TNRC6B: variants seen among roughly 807,000 people sequenced by gnomAD.
The protein encoded by TNRC6B is trinucleotide repeat-containing gene 6B protein.
Under a neutral mutation model 203.6 loss-of-function variants are expected in TNRC6B, and 52 were observed. The observed-to-expected ratio is 0.26, with a 90% CI of 0.20 to 0.32. The LOEUF is 0.32. Ranked by LOEUF, TNRC6B falls within the 10% of genes least tolerant of loss-of-function variation. The pLI, the probability that TNRC6B is intolerant of heterozygous loss-of-function variation, is 1.00. For missense variants in TNRC6B, 1,923 were observed against 2,286.2 expected (o/e 0.84, Z 3.24); for synonymous variants, 838 against 845.7 (o/e 0.99, Z 0.16).
intron 1 of TNRC6B, among the ~76,000 whole-genome samples, chr22:40,220,733 C>T (rs972811745): frequency 5.3e-5 from 8 of 152,104 alleles, no homozygotes; most frequent in Non-Finnish European, 8.8e-5. Context: ...ATAGAAACCC[C>T]GAGTTGGCCA....
intron 15 of TNRC6B, among the ~76,000 whole-genome samples, chr22:40,305,707 AT>A (rs1275703782): frequency 6.6e-6 from 1 of 151,896 alleles, no homozygotes; most frequent in Non-Finnish European, 1.5e-5. Flanking sequence ...CCCTTGGATT[AT>A]TTTTCCTGAC....
rs2043995042 is a variant in TNRC6B, at chr22:40,332,618, C to T, written c.*9377C>T. The T allele has an allele frequency of 6.6e-6, 1 of 152,432 alleles. No homozygotes were observed. Among genetic ancestry groups the T allele is most frequent in the South Asian group, 2.1e-4 (1 of 4,824 alleles). The allele number at this position is 152,432 out of a possible 1,614,324, so 9.4% of individuals were successfully genotyped here. ...GTCTCCTCGTGCCTGTGCAGGGCTGCACAGGCATGATCTTATCAGGGTTCC... is the reference window on the plus strand; with the variant it reads ...GTCTCCTCGTGCCTGTGCAGGGCTGTACAGGCATGATCTTATCAGGGTTCC... On this transcript the variant is annotated 3_prime_UTR_variant, in exon 23 of 23. Transcript: ENST00000454349.
rs555687660 is a variant in TNRC6B, at chr22:40,287,746, C to T, written c.3708+1976C>T. The stretch of plus-strand genomic sequence containing the variant: ...GTAGCATGTTAGATAATGTCTTCAT[C>T]GTGCACAGATGGAGAAAATGCCATC... On this transcript the variant is annotated intron_variant, in intron 12 of 22. Transcript: ENST00000454349. Among the ~76,000 whole-genome samples, 16 of 152,304 alleles carry T rather than the reference C, an allele frequency of 1.1e-4. No homozygotes were observed. In the East Asian group the frequency reaches 2.1e-3, roughly 20 times the overall value.
At chr22:40,213,801 G>T (rs2069595778) in intron 1 of TNRC6B, among the ~76,000 whole-genome samples, 1 of 152,192 alleles carries the variant, frequency 6.6e-6, no homozygotes, top group Non-Finnish European at 1.5e-5. Context: ...TACTCATTTT[G>T]CAGTGCACTA....
chr22:40,246,308 G>GCGA, intron 2 of TNRC6B: 1 of 336,814 alleles, frequency 3.0e-6, no homozygotes. Context: ...TCCTCTCTCA[G>GCGA]CCTCCTGAGT....
upstream of TNRC6B, among the ~76,000 whole-genome samples, chr22:40,172,944 G>A (rs968192603): frequency 6.6e-6 from 1 of 152,066 alleles, no homozygotes; most frequent in Non-Finnish European, 1.5e-5. Context: ...GTTTATTTAT[G>A]TAAAGTTACA....
intron 1 of TNRC6B, among the ~76,000 whole-genome samples, chr22:40,055,429 C>T (rs60016524): frequency 0.026 from 3,939 of 152,120 alleles, 170 homozygotes; most frequent in African/African-American, 0.091. Flanking sequence ...AGAAGATGAC[C>T]GGCACAGCGG....
upstream of TNRC6B, chr22:40,177,873 C>T: frequency 7.6e-7 from 1 of 1,311,518 alleles, no homozygotes; most frequent in Non-Finnish European, 9.7e-7. Flanking sequence ...CAAACCTACC[C>T]GAAGTCACAT....
At chr22:40,137,057 T>C (rs1448272613) in intron 3 of TNRC6B, among the ~76,000 whole-genome samples, 2 of 146,042 alleles carry the variant, frequency 1.4e-5, no homozygotes, top group Non-Finnish European at 3.0e-5. Context: ...TAAGTGCTCA[T>C]TTAGTCAAGA....
At chr22:40,273,379 G>C in intron 6 of TNRC6B, 46 bp from the exon 7 acceptor site, 1 of 1,493,866 alleles carries the variant, frequency 6.7e-7, no homozygotes. Context: ...TCTGATGATT[G>C]TTTTATATAG....
At chr22:40,287,034 A>C (rs547169834) in intron 12 of TNRC6B, among the ~76,000 whole-genome samples, 2 of 152,252 alleles carry the variant, frequency 1.3e-5, no homozygotes, top group Non-Finnish European at 1.5e-5. Flanking sequence ...TTGGAGGTAG[A>C]GTCTCACTCT....
chr22:40,096,408 G>C (rs1403303307), intron 1 of TNRC6B, among the ~76,000 whole-genome samples: 2 of 152,212 alleles, frequency 1.3e-5, no homozygotes, highest in Non-Finnish European at 2.9e-5. Flanking sequence ...TGCAGAGATA[G>C]GATGTTTTTA....
At chr22:40,243,800 G>T (rs1233425152) in intron 1 of TNRC6B, among the ~76,000 whole-genome samples, 1 of 152,126 alleles carries the variant, frequency 6.6e-6, no homozygotes, top group Admixed American at 6.5e-5. Context: ...GGCCAGGCCA[G>T]TCTCGAGCTC....
rs555578732 is a variant in TNRC6B, at chr22:40,181,967, C to T, written c.5+3827C>T. ...TCGAGAGAAAAAAAAAAAAGCCAGC[C>T]GGGCGTGGTGGCTCACGCCTGTAAT... On this transcript the variant is annotated intron_variant, in intron 1 of 22. Coordinates refer to ENST00000454349, the MANE Select transcript of TNRC6B (RefSeq NM_001162501.2). 8.0e-5 allele frequency among the ~76,000 whole-genome samples: 12 copies of T among 150,156 alleles called. No homozygotes were observed. The East Asian group carries it at 2.0e-3, about 25-fold the overall frequency.
intron 7 of TNRC6B, among the ~76,000 whole-genome samples, chr22:40,276,021 G>A (rs758483357): frequency 4.6e-5 from 7 of 150,936 alleles, no homozygotes; most frequent in Admixed American, 6.6e-5. Flanking sequence ...TAAGTACTTC[G>A]TCACTTTCAA....
At chr22:40,279,372 G>A (rs1356608165) in intron 9 of TNRC6B, among the ~76,000 whole-genome samples, 1 of 152,140 alleles carries the variant, frequency 6.6e-6, no homozygotes, top group Non-Finnish European at 1.5e-5. Context: ...GTTTCCTGGG[G>A]CAGCACTGGT....
intron 1 of TNRC6B, among the ~76,000 whole-genome samples, chr22:40,094,358 A>G (rs73424220): frequency 0.044 from 6,701 of 152,256 alleles, 447 homozygotes; most frequent in African/African-American, 0.14. Context: ...AAATCTGTCC[A>G]GATTTCACAA....
intron 3 of TNRC6B, among the ~76,000 whole-genome samples, chr22:40,133,521 G>C (rs1324286049): frequency 6.6e-6 from 1 of 152,160 alleles, no homozygotes; most frequent in Non-Finnish European, 1.5e-5. Flanking sequence ...CTAGGGCAAA[G>C]CAATGAATTC....
intron 12 of TNRC6B, 144 bp from the exon 13 acceptor site, chr22:40,300,311 T>C: frequency 1.5e-6 from 1 of 686,312 alleles, no homozygotes; most frequent in Non-Finnish European, 2.2e-6. Context: ...CTTGAGTGTA[T>C]TTTTCCTGTT....
Sources: gnomAD v4.1 joint callset for allele counts (sites outside exome capture counted in the v4.1 genomes callset) on GRCh38, gnomAD v4.1.1 for gene constraint, MANE v1.5 for transcripts, NCBI Gene and HGNC (gene_info 2026-07-23, HGNC 2026-07-21) for gene names.